PARP14: variants seen among roughly 807,000 people sequenced by gnomAD.
PARP14 encodes poly(ADP-ribose) polymerase family member 14.
Under a neutral mutation model 154.2 loss-of-function variants are expected in PARP14, and 59 were observed. The observed-to-expected ratio is 0.38, with a 90% CI of 0.31 to 0.48. The LOEUF (loss-of-function observed/expected upper bound fraction) is 0.48. PARP14 is among the 20% of genes least tolerant of loss of function. PARP14 has a pLI of 0.98. For synonymous variants in PARP14, 720 were observed against 780.5 expected, an observed-to-expected ratio of 0.92 and a Z score of 1.29; for missense variants, 1,734 against 2,131.6, an observed-to-expected ratio of 0.81 and a Z score of 3.67.
intron 5 of PARP14, among the ~76,000 whole-genome samples, chr3:122,696,989 T>C (rs553026265): frequency 7.2e-5 from 11 of 152,310 alleles, no homozygotes; most frequent in South Asian, 2.1e-4. Flanking sequence ...GGTCTCACTG[T>C]CTCTCAGGCT....
chr3:122,705,215 A>G (rs948992187), intron 8 of PARP14, among the ~76,000 whole-genome samples: 1 of 152,276 alleles, frequency 6.6e-6, no homozygotes, highest in African/African-American at 2.4e-5. Context: ...AAATAAATGG[A>G]CAATAATTCC....
At position 122,701,516 on chromosome 3, in the gene PARP14, C is replaced by T. The variant is rs1560063751; in HGVS notation, c.2962C>T (p.Pro988Ser). 6.2e-7 allele frequency: 1 copy of T among 1,613,146 alleles called. No individual in the cohort carries two copies. Among genetic ancestry groups the T allele is most frequent in the Non-Finnish European group, 8.5e-7 (1 of 1,179,532 alleles). Residue 988 changes from proline (P) to serine (S), a missense_variant, in exon 6 of 17, where the codon CCG (proline) becomes TCG (serine). Transcript: ENST00000474629. The surrounding 1 kb of genome is among the most constrained non-coding windows in gnomAD (Gnocchi z 4.0). The part of the protein sequence containing the change: ...FKATLPDTAA[P>S]PGLPPAAAGP... ...AGCCACCCTGCCAGATACAGCTGCC[C>T]CGCCAGGTTTACCACCAGCAGCAGC...
Position 122,685,165 on chromosome 3 carries a change from C to A in PARP14, c.188-20C>A, listed in dbSNP as rs1475704492. 2 of 1,604,268 alleles carry A rather than the reference C, an allele frequency of 1.2e-6. No individual in the cohort carries two copies. Among genetic ancestry groups the A allele is most frequent in the Non-Finnish European group, 1.7e-6 (2 of 1,174,030 alleles). On this transcript the variant is annotated intron_variant, in intron 1 of 16. Transcript: ENST00000474629. ...AGATTGCTTGTCATTTGTCTTTTTT[C>A]CCCCCTTTGGACATTTCAGTTCGGC...
chr3:122,720,589 T>C (rs1933139741), intron 15 of PARP14: 1 of 621,004 alleles, frequency 1.6e-6, no homozygotes, highest in Non-Finnish European at 2.9e-6. Context: ...GTGATTACAA[T>C]ATTTGATTGT....
intron 11 of PARP14, 70 bp from the exon 12 acceptor site, chr3:122,714,192 A>ATTT: frequency 7.6e-7 from 1 of 1,320,506 alleles, no homozygotes; most frequent in African/African-American, 1.5e-5. Context: ...CAAGTTATAC[A>ATTT]TTTTGCTTTC....
intron 9 of PARP14, among the ~76,000 whole-genome samples, chr3:122,713,066 A>G (rs1269950920): frequency 6.6e-6 from 1 of 152,242 alleles, no homozygotes; most frequent in Non-Finnish European, 1.5e-5. Flanking sequence ...TTGCTTCTGC[A>G]AGTTTTGGCA....
In PARP14 at chr3:122,681,117, C is replaced by A; in HGVS notation, c.187+47C>A. On this transcript the variant is annotated intron_variant, in intron 1 of 16. Transcript: ENST00000474629. The surrounding 1 kb of genome is among the most constrained non-coding windows in gnomAD (Gnocchi z 5.5). ...GTGAGGAGGGGGCACCTCTGCCCTC[C>A]CTCCAGGGAAATGGCGGCAGGGCAC... The A allele has an allele frequency of 6.8e-7, 1 of 1,466,162 alleles. No homozygotes were observed. The highest frequency in any genetic ancestry group is 9.5e-7 in the Non-Finnish European group (1 of 1,057,840). 90.8% of individuals were successfully genotyped at this position (1,466,162 alleles called of 1,614,324 possible). A position where few individuals can be genotyped will look rare whatever the true frequency, so the allele number is the denominator to read the frequency against.
chr3:122,720,788 C>G (rs1207405613), intron 15 of PARP14: 1 of 457,768 alleles, frequency 2.2e-6, no homozygotes, highest in East Asian at 6.9e-5. Context: ...TTGATAAAGC[C>G]AGCAGGCCTT....
chr3:122,724,460 A>AT (rs956215914), intron 15 of PARP14, among the ~76,000 whole-genome samples: 5,475 of 102,054 alleles, frequency 0.054, 298 homozygotes, highest in African/African-American at 0.096. Flanking sequence ...CACCACGCCT[A>AT]TTTTTTTTTT....
rs753274754 is a variant in PARP14 at position 122,718,941 on chromosome 3, G to C, written c.4790G>C (p.Arg1597Pro). 2 of 1,583,546 alleles carry C rather than the reference G, an allele frequency of 1.3e-6. No individual in the cohort carries two copies. Among genetic ancestry groups the C allele is most frequent in the Non-Finnish European group, 1.7e-6 (2 of 1,166,432 alleles). ...AAGGGCCACAGTTTATCTGTTCAGC[G>C]CCTCACGAAATCCAAAGGTGAGTTA... ...DTKGHSLSVQ[R>P]LTKSKVDIPA... Residue 1597 changes from arginine (R) to proline (P), a missense_variant, in exon 14 of 17, where the codon CGC becomes CCC. Arg to Pro is a moderately radical substitution (Grantham distance 103, BLOSUM62 -2). Around this residue, in one of 2 missense-constraint regions of PARP14, gnomAD observed 1,646 missense variants for 1,976.0 expected, o/e 0.83. Transcript: ENST00000474629.
chr3:122,704,209 A>G (rs1412738172), intron 7 of PARP14, among the ~76,000 whole-genome samples: 3 of 152,212 alleles, frequency 2.0e-5, no homozygotes, highest in Non-Finnish European at 4.4e-5. Context: ...GAGCTCAGGG[A>G]AGGGTTACTG....
At chr3:122,706,440 A>T (rs975818268) in intron 8 of PARP14, among the ~76,000 whole-genome samples, 13 of 152,316 alleles carry the variant, frequency 8.5e-5, no homozygotes, top group Middle Eastern at 6.8e-3. Context: ...TTAAAAAAAA[A>T]TTTCAATCAG....
In PARP14 at chr3:122,692,382, A is replaced by G. The variant is rs1938570097; in HGVS notation, c.437A>G (p.Asn146Ser). 1 of 1,613,256 alleles carries G rather than the reference A, an allele frequency of 6.2e-7. No individual in the cohort carries two copies. The highest frequency in any genetic ancestry group is 8.5e-7 in the Non-Finnish European group (1 of 1,179,346). The change falls in exon 4 of 17, where the codon AAT (asparagine) becomes AGT (serine). Residue 146 changes from asparagine to serine, a missense_variant. Coordinates refer to ENST00000474629, the MANE Select transcript of PARP14 (RefSeq NM_017554.3). ...GAAGATATCCCAGAGGAATGTGAAA[A>G]TATTTCCTCTTTGGTGGCATTTGAA... ...KMEDIPEECE[N>S]ISSLVAFENL... is the part of the protein sequence containing the mutation.
chr3:122,718,990 A>G (rs773906021), intron 14 of PARP14, 32 bp downstream of exon 14: 1 of 1,499,630 alleles, frequency 6.7e-7, no homozygotes, highest in South Asian at 1.4e-5. Context: ...GTCATCCACT[A>G]TTTCACATCT....
rs765858515 is a variant in PARP14 at position 122,680,844 on chromosome 3, TG to T, written c.-38del. 5 of 1,522,938 alleles carry T rather than the reference TG, an allele frequency of 3.3e-6. No homozygotes were observed. The South Asian group carries it at 5.9e-5, about 18-fold the overall frequency. 94.3% of individuals were successfully genotyped at this position (1,522,938 alleles called of 1,614,324 possible). On this transcript the variant is annotated 5_prime_UTR_variant, in exon 1 of 17. Coordinates refer to ENST00000474629, the MANE Select transcript of PARP14 (RefSeq NM_017554.3). ...AGAGTCAAAGTTAGCGGCCCGGAGT[TG>T]GCGCGGCCCCTGCAGTCCGGCGGAG...
In PARP14 at chr3:122,699,584, A is replaced by G. The variant is rs1460994210; in HGVS notation, c.1030A>G (p.Ile344Val). 1 of 1,613,974 alleles carries G rather than the reference A, an allele frequency of 6.2e-7. No homozygotes were observed. Among genetic ancestry groups the G allele is most frequent in the South Asian group, 1.1e-5 (1 of 91,080 alleles). ...GAAAAAGAATCACCTCATTGAGGAG[A>G]TAAACGATGAAATGAGGCGTTGTCA... ...LQKKNHLIEEINDEMRRCHCE... is the reference protein window; with the variant it reads ...LQKKNHLIEEVNDEMRRCHCE... The change falls in exon 6 of 17, where the codon ATA becomes GTA. Residue 344 changes from isoleucine (I) to valine (V), a missense_variant. Ile to Val is a conservative substitution (Grantham distance 29, BLOSUM62 3). Coordinates refer to ENST00000474629, the MANE Select transcript of PARP14 (RefSeq NM_017554.3).
At position 122,695,585 on chromosome 3, in the gene PARP14, A is replaced by G. The variant is rs1231280822; in HGVS notation, c.758A>G (p.Asn253Ser). The change falls in exon 5 of 17, where the codon AAT (asparagine) becomes AGT (serine). Residue 253 changes from asparagine to serine, a missense_variant. Around this residue, in one of 2 missense-constraint regions of PARP14, gnomAD observed 1,646 missense variants for 1,976.0 expected, o/e 0.83. Transcript: ENST00000474629. ...SLKLFFENPY[N>S]GGGRVANVEY... ...AAACTTTTCTTTGAAAATCCCTATA[A>G]TGGAGGGGGAAGAGTTGCCAATGTT... The G allele has an allele frequency of 6.2e-7, 1 of 1,608,840 alleles. No homozygotes were observed. Among genetic ancestry groups the G allele is most frequent in the African/African-American group, 1.3e-5 (1 of 74,832 alleles).
intron 5 of PARP14, among the ~76,000 whole-genome samples, chr3:122,696,722 A>C (rs1354245497): frequency 6.6e-6 from 1 of 152,174 alleles, no homozygotes; most frequent in Admixed American, 6.5e-5. Flanking sequence ...TATTCTGCAC[A>C]TATACAACTA....
chr3:122,694,519 G>T (rs925623459), intron 4 of PARP14, among the ~76,000 whole-genome samples: 1 of 152,028 alleles, frequency 6.6e-6, no homozygotes, highest in Non-Finnish European at 1.5e-5. Flanking sequence ...CACATCGTGG[G>T]CCCACCATCA....
Sources: allele counts gnomAD v4.1 joint callset (sites outside exome capture counted in the v4.1 genomes callset), GRCh38; gene constraint gnomAD v4.1.1; regional missense constraint gnomAD v4.1.1; non-coding constraint Gnocchi (gnomAD v3.1); transcripts MANE v1.5; gene names NCBI Gene and HGNC (gene_info 2026-07-23, HGNC 2026-07-21).